Variants in SMURF2 observed in about 807,000 individuals in gnomAD.
SMURF2 encodes the protein E3 ubiquitin-protein ligase SMURF2.
A neutral mutation model predicts 109.6 loss-of-function variants in SMURF2; 48 were observed. The observed-to-expected ratio is 0.44, with a 90% CI of 0.35 to 0.56. SMURF2 has a LOEUF of 0.56. Ranked by LOEUF, SMURF2 falls within the 20% of genes least tolerant of loss-of-function variation. The pLI, the probability that SMURF2 is intolerant of heterozygous loss-of-function variation, is 0.01. For missense variants in SMURF2, 575 were observed against 909.0 expected (o/e 0.63, Z 4.72); for synonymous variants, 288 against 317.1 (o/e 0.91, Z 0.97).
chr17:64,578,481 T>C lies in SMURF2; in HGVS notation c.857+11A>G. 3.1e-6 allele frequency: 5 copies of C among 1,589,816 alleles called. No individual in the cohort carries two copies. Among genetic ancestry groups the C allele is most frequent in the Non-Finnish European group, 2.6e-6 (3 of 1,158,720 alleles). Reference sequence around the variant, plus strand: ...TTGATGGTCTAAAGAGTGCTTAAAATACGTTCTTACCTGGGCACTCTTGGA... The same window carrying C: ...TTGATGGTCTAAAGAGTGCTTAAAACACGTTCTTACCTGGGCACTCTTGGA... On this transcript the variant is annotated intron_variant, in intron 9 of 18. Coordinates refer to ENST00000262435, the MANE Select transcript of SMURF2 (RefSeq NM_022739.4).
chr17:64,648,513 T>C (rs902276923), intron 1 of SMURF2, among the ~76,000 whole-genome samples: 2 of 152,172 alleles, frequency 1.3e-5, no homozygotes, highest in Non-Finnish European at 2.9e-5. Flanking sequence ...GGCTCACACA[T>C]GTAACTCCAG....
intron 16 of SMURF2, among the ~76,000 whole-genome samples, chr17:64,551,301 G>A (rs1034704792): frequency 6.6e-6 from 1 of 151,908 alleles, no homozygotes; most frequent in African/African-American, 2.4e-5. Flanking sequence ...AGGCTGCAGT[G>A]AGCCATGATT....
chr17:64,618,365 T>C (rs782429133), intron 1 of SMURF2, among the ~76,000 whole-genome samples: 3 of 152,210 alleles, frequency 2.0e-5, no homozygotes, highest in East Asian at 1.9e-4. Flanking sequence ...ATCTGGTACA[T>C]AGCAGGCACT....
chr17:64,629,723 G>C (rs1402429277), intron 1 of SMURF2, among the ~76,000 whole-genome samples: 1 of 152,186 alleles, frequency 6.6e-6, no homozygotes, highest in Non-Finnish European at 1.5e-5. Flanking sequence ...TTAGTGGGAA[G>C]AATGTCAGTG....
At chr17:64,636,190 C>T (rs1200843838) in intron 1 of SMURF2, among the ~76,000 whole-genome samples, 2 of 152,160 alleles carry the variant, frequency 1.3e-5, no homozygotes, top group African/African-American at 4.8e-5. Flanking sequence ...CCAGGCTGTT[C>T]TCAGGGGATC....
At chr17:64,551,331 T>C (rs1969042133) in intron 16 of SMURF2, among the ~76,000 whole-genome samples, 1 of 151,060 alleles carries the variant, frequency 6.6e-6, no homozygotes, top group African/African-American at 2.4e-5. Flanking sequence ...CACCCCAGCC[T>C]GGGTGACAGA....
intron 2 of SMURF2, among the ~76,000 whole-genome samples, chr17:64,603,889 G>A (rs1284516257): frequency 5.3e-5 from 8 of 151,942 alleles, no homozygotes; most frequent in African/African-American, 2.4e-5. Context: ...TTTTTCCTGC[G>A]ATGAAAAATA....
In SMURF2 at chr17:64,642,599, T is replaced by G. The variant is rs115664499; in HGVS notation, c.52+19230A>C. 9.2e-3 allele frequency among the ~76,000 whole-genome samples: 1,399 copies of G among 152,300 alleles called. 16 individuals are homozygous for G. Among genetic ancestry groups the G allele is most frequent in the African/African-American group, 0.032 (1,342 of 41,566 alleles). Reference sequence around the variant, plus strand: ...ACCAAGAATTATCACACATTACCACTAAGAAGGACAGACAGATCTTTTAAA... The same window carrying G: ...ACCAAGAATTATCACACATTACCACGAAGAAGGACAGACAGATCTTTTAAA... On this transcript the variant is annotated intron_variant, in intron 1 of 18. Coordinates refer to ENST00000262435, the MANE Select transcript of SMURF2 (RefSeq NM_022739.4).
intron 15 of SMURF2, among the ~76,000 whole-genome samples, chr17:64,553,386 C>T (rs1201900637): frequency 1.3e-5 from 2 of 151,910 alleles, no homozygotes; most frequent in African/African-American, 4.8e-5. Flanking sequence ...CGTACCTGTA[C>T]TCCCAGCTAC....
intron 1 of SMURF2, among the ~76,000 whole-genome samples, chr17:64,638,987 G>A (rs184160701): frequency 6.6e-6 from 1 of 152,290 alleles, no homozygotes; most frequent in East Asian, 1.9e-4. Context: ...ACATAAGGAA[G>A]AGTGTAACAA....
intron 1 of SMURF2, among the ~76,000 whole-genome samples, chr17:64,646,058 C>T (rs979050087): frequency 7.9e-5 from 12 of 151,722 alleles, no homozygotes; most frequent in African/African-American, 2.7e-4. Flanking sequence ...TTTGACTTCA[C>T]TATTTCTTAT....
intron 12 of SMURF2, among the ~76,000 whole-genome samples, chr17:64,559,023 T>C (rs1021937544): frequency 6.6e-6 from 1 of 152,212 alleles, no homozygotes; most frequent in Non-Finnish European, 1.5e-5. Context: ...ATGTAACATT[T>C]GAAAAACTAC....
At chr17:64,555,743 A>T in intron 14 of SMURF2, 77 bp downstream of exon 14, 1 of 988,080 alleles carries the variant, frequency 1.0e-6, no homozygotes, top group Non-Finnish European at 1.4e-6. Flanking sequence ...TAATTTTTTT[A>T]AGTACATCAG....
At position 64,581,006 on chromosome 17, in the gene SMURF2, C is replaced by T. The variant is rs1555686537; in HGVS notation, c.570-15G>A. On this transcript the variant is annotated splice_polypyrimidine_tract_variant and intron_variant, in intron 7 of 18. Transcript: ENST00000262435. This position sits in a 1 kb window ranked among gnomAD's most constrained non-coding sequence, Gnocchi z 4.3. ...CGGATGCCGGTCTATTGAAAATTAACAAGGAAAAGATGTTATCAATTTAGA... is the reference window on the plus strand; with the variant it reads ...CGGATGCCGGTCTATTGAAAATTAATAAGGAAAAGATGTTATCAATTTAGA... 1 of 1,612,534 alleles carries T rather than the reference C, an allele frequency of 6.2e-7. No homozygotes were observed. The highest frequency in any genetic ancestry group is 2.2e-5 in the East Asian group (1 of 44,866).
intron 1 of SMURF2, among the ~76,000 whole-genome samples, chr17:64,633,270 A>AAAAAC (rs1340040246): frequency 2.0e-5 from 3 of 152,246 alleles, no homozygotes; most frequent in Non-Finnish European, 2.9e-5. Context: ...ACCCTGTTTC[A>AAAAAC]AAAACAAAAC....
chr17:64,601,227 A>T (rs1297652728), intron 2 of SMURF2, among the ~76,000 whole-genome samples: 11 of 152,116 alleles, frequency 7.2e-5, no homozygotes, highest in African/African-American at 2.4e-4. Flanking sequence ...CTGCACTCCA[A>T]CCTGGTTGAC....
chr17:64,609,790 C>A (rs1970018787), intron 1 of SMURF2, among the ~76,000 whole-genome samples: 1 of 151,962 alleles, frequency 6.6e-6, no homozygotes, highest in South Asian at 2.1e-4. Flanking sequence ...AACTAAAGAG[C>A]TTCTGCACAC....
In SMURF2 at chr17:64,609,604, C is replaced by A. The variant is rs62073214; in HGVS notation, c.53-2964G>T. 5.7e-3 allele frequency among the ~76,000 whole-genome samples: 858 copies of A among 149,320 alleles called. 6 individuals carry two copies. Among genetic ancestry groups the A allele is most frequent in the Middle Eastern group, 0.01 (3 of 294 alleles). On this transcript the variant is annotated intron_variant, in intron 1 of 18. Transcript: ENST00000262435. The stretch of plus-strand genomic sequence containing the variant: ...ACTGAAACTGGACTCCTTCCTTACA[C>A]CTTATACAAAAATTAACTCGAGATA...
In SMURF2 at chr17:64,598,504, T is replaced by C. The variant is rs782569115; in HGVS notation, c.92-14A>G. Reference sequence around the variant, plus strand: ...GATCAGGAAGTCCTGTGAAAAAAGATTTTCTAAAATTAATAATTTGACATT... The same window carrying C: ...GATCAGGAAGTCCTGTGAAAAAAGACTTTCTAAAATTAATAATTTGACATT... On this transcript the variant is annotated splice_polypyrimidine_tract_variant and intron_variant, in intron 2 of 18. Transcript: ENST00000262435. The C allele has an allele frequency of 4.4e-6, 7 of 1,576,022 alleles. No individual in the cohort carries two copies. The highest frequency in any genetic ancestry group is 6.0e-6 in the Non-Finnish European group (7 of 1,160,646).
Sources: allele counts gnomAD v4.1 joint callset (sites outside exome capture counted in the v4.1 genomes callset), GRCh38; gene constraint gnomAD v4.1.1; non-coding constraint Gnocchi (gnomAD v3.1); transcripts MANE v1.5; gene names NCBI Gene and HGNC (gene_info 2026-07-23, HGNC 2026-07-21).